The following ASIC2 variants were observed in gnomAD, a reference collection of about 807,000 sequenced individuals.
ASIC2 encodes acid sensing ion channel subunit 2.
Under a neutral mutation model 57.3 loss-of-function variants are expected in ASIC2, and 25 were observed. The ratio of observed to expected loss-of-function variants is 0.44; its 90% CI spans 0.32 to 0.61. The LOEUF (loss-of-function observed/expected upper bound fraction) is 0.61, where lower values mean the gene tolerates loss of function less well. Ranked by LOEUF, ASIC2 falls within the 20% of genes least tolerant of loss-of-function variation. The pLI is 0.06. For missense variants in ASIC2, 641 were observed against 738.1 expected, an observed-to-expected ratio of 0.87 and a Z score of 1.52; for synonymous variants, 319 against 307.5, an observed-to-expected ratio of 1.04 and a Z score of -0.39.
chr17:33,933,862 C>T (rs556636949), intron 1 of ASIC2, among the ~76,000 whole-genome samples: 2 of 152,200 alleles, frequency 1.3e-5, no homozygotes, highest in African/African-American at 4.8e-5. Flanking sequence ...ACGAAACAGG[C>T]CTTAGAGCCT....
At chr17:33,121,593 A>G (rs2092302305) in intron 1 of ASIC2, among the ~76,000 whole-genome samples, 1 of 152,156 alleles carries the variant, frequency 6.6e-6, no homozygotes, top group South Asian at 2.1e-4. Flanking sequence ...GTGCCAGTCC[A>G]TGCTTCTGGC....
intron 1 of ASIC2, among the ~76,000 whole-genome samples, chr17:33,324,200 T>C (rs1309287233): frequency 6.6e-6 from 1 of 152,188 alleles, no homozygotes; most frequent in Non-Finnish European, 1.5e-5. Flanking sequence ...TCAAGCACTG[T>C]ATTTTCCCTC....
chr17:33,308,513 T>C, intron 1 of ASIC2, among the ~76,000 whole-genome samples: 1 of 152,222 alleles, frequency 6.6e-6, no homozygotes, highest in East Asian at 1.9e-4. Flanking sequence ...TCATCTTGCC[T>C]AAGACCAGCC....
intron 1 of ASIC2, among the ~76,000 whole-genome samples, chr17:34,089,299 G>C (rs958203790): frequency 6.6e-5 from 10 of 152,202 alleles, no homozygotes; most frequent in African/African-American, 2.2e-4. Context: ...CCTTCATAGA[G>C]GGTACACTAT....
chr17:33,105,586 T>C (rs1293955115), intron 2 of ASIC2, among the ~76,000 whole-genome samples: 1 of 152,220 alleles, frequency 6.6e-6, no homozygotes, highest in African/African-American at 2.4e-5. Context: ...ACTTTGGAAC[T>C]GGGTAACAGG....
At chr17:33,145,522 C>T (rs544689912) in intron 1 of ASIC2, among the ~76,000 whole-genome samples, 2 of 152,216 alleles carry the variant, frequency 1.3e-5, no homozygotes, top group East Asian at 1.9e-4. Flanking sequence ...TCCAGGTTAC[C>T]TCACTGCTCT....
At chr17:33,977,689 T>TCCC (rs1905444799) in intron 1 of ASIC2, among the ~76,000 whole-genome samples, 1 of 152,190 alleles carries the variant, frequency 6.6e-6, no homozygotes, top group South Asian at 2.1e-4. Flanking sequence ...CCGTTTACTT[T>TCCC]CCCCTTCCCT....
intron 1 of ASIC2, chr17:34,038,543 T>C (rs1460126537): frequency 7.5e-6 from 12 of 1,610,460 alleles, no homozygotes; most frequent in South Asian, 1.1e-5. Flanking sequence ...ACCCAAAAGA[T>C]GTAACAACAA....
intron 1 of ASIC2, among the ~76,000 whole-genome samples, chr17:33,803,985 C>T (rs1912204071): frequency 6.6e-6 from 1 of 152,138 alleles, no homozygotes; most frequent in Admixed American, 6.5e-5. Flanking sequence ...TATTTGTGTG[C>T]AAGTGATTTT....
chr17:34,086,497 GA>G (rs1162406502), intron 1 of ASIC2, among the ~76,000 whole-genome samples: 1 of 151,790 alleles, frequency 6.6e-6, no homozygotes, highest in African/African-American at 2.4e-5. Context: ...GTGTGGTGCT[GA>G]AAAAAATGTA....
chr17:33,304,098 G>C (rs1906072301), intron 1 of ASIC2, among the ~76,000 whole-genome samples: 1 of 152,210 alleles, frequency 6.6e-6, no homozygotes, highest in African/African-American at 2.4e-5. Flanking sequence ...TCCAGTAATA[G>C]AGGAATGGCC....
At chr17:33,720,968 G>T (rs1909370983) in intron 1 of ASIC2, among the ~76,000 whole-genome samples, 1 of 152,154 alleles carries the variant, frequency 6.6e-6, no homozygotes, top group Admixed American at 6.5e-5. Flanking sequence ...CTGTGAAATG[G>T]AGCAAATACT....
chr17:33,337,280 C>T (rs1417824970), intron 1 of ASIC2, among the ~76,000 whole-genome samples: 5 of 152,196 alleles, frequency 3.3e-5, no homozygotes, highest in African/African-American at 9.7e-5. Context: ...TAAGGGCTAC[C>T]ATTCATTGAG....
chr17:33,291,961 C>G lies in ASIC2; in HGVS notation c.155G>C (p.Gly52Ala), dbSNP rs563972353. The G allele has an allele frequency of 5.1e-5, 73 of 1,434,528 alleles. 1 individual carries two copies. Among genetic ancestry groups the G allele is most frequent in the Non-Finnish European group, 6.2e-5 (69 of 1,105,122 alleles). The allele number at this position is 1,434,528 out of a possible 1,614,324, so 88.9% of individuals were successfully genotyped here. The change falls in exon 1 of 10, where the codon GGG (glycine) becomes GCG (alanine). Residue 52 changes from glycine to alanine, a missense_variant. Physicochemically the swap from Gly to Ala is moderately conservative, Grantham distance 60. Transcript: ENST00000225823. Reference protein sequence around the residue: ...RGGERALQGPGVARRGRPSLS... With the variant: ...RGGERALQGPAVARRGRPSLS... ...CGATGGCCGCCCCCTGCGGGCGACC[C>G]CTGGCCCCTGCAGCGCCCGCTCGCC...
chr17:34,008,534 G>C (rs1050016151), intron 1 of ASIC2, among the ~76,000 whole-genome samples: 1 of 152,198 alleles, frequency 6.6e-6, no homozygotes, highest in Non-Finnish European at 1.5e-5. Flanking sequence ...AGGCAGAAAG[G>C]AGAGAAAATC....
In ASIC2 at chr17:33,846,647, C is replaced by A. The variant is rs115607684; in HGVS notation, c.555+309331G>T. Among the ~76,000 whole-genome samples the A allele has an allele frequency of 8.5e-3, 1,297 of 152,266 alleles. 19 individuals are homozygous for A. The highest frequency in any genetic ancestry group is 0.029 in the African/African-American group (1,216 of 41,542). On this transcript the variant is annotated intron_variant, in intron 1 of 9. Coordinates refer to the ASIC2 transcript ENST00000359872. Reference sequence around the variant, plus strand: ...GGATGTTTGCCGTTAAACACACATGCACACCCACCCACACACAATAACACC... The same window carrying A: ...GGATGTTTGCCGTTAAACACACATGAACACCCACCCACACACAATAACACC...
intron 1 of ASIC2, among the ~76,000 whole-genome samples, chr17:34,110,951 C>T (rs941981411): frequency 6.6e-6 from 1 of 152,146 alleles, no homozygotes; most frequent in African/African-American, 2.4e-5. Context: ...AAGCCAGACA[C>T]GGTGGCTCAT....
At chr17:33,049,267 A>G (rs1459495552) in intron 3 of ASIC2, among the ~76,000 whole-genome samples, 1 of 152,204 alleles carries the variant, frequency 6.6e-6, no homozygotes, top group East Asian at 1.9e-4. Context: ...TGTGGCTAAA[A>G]GACTTAGCTG....
At chr17:33,620,727 G>A (rs1905765914) in intron 1 of ASIC2, among the ~76,000 whole-genome samples, 1 of 152,206 alleles carries the variant, frequency 6.6e-6, no homozygotes, top group Non-Finnish European at 1.5e-5. Flanking sequence ...GATTCTTGAT[G>A]AAAGACATCT....
Sources: allele counts gnomAD v4.1 joint callset (sites outside exome capture counted in the v4.1 genomes callset), GRCh38; gene constraint gnomAD v4.1.1; transcripts MANE v1.5; gene names NCBI Gene and HGNC (gene_info 2026-07-23, HGNC 2026-07-21).